ARID4B: variants seen among roughly 807,000 people sequenced by gnomAD.
ARID4B encodes AT-rich interactive domain-containing protein 4B.
Under a neutral mutation model 147.5 loss-of-function variants are expected in ARID4B, and 26 were observed. The ratio of observed to expected loss-of-function variants is 0.18; its 90% CI spans 0.13 to 0.24. The LOEUF is 0.24. Ranked by LOEUF, ARID4B falls within the 10% of genes least tolerant of loss-of-function variation. ARID4B has a pLI of 1.00. For synonymous variants in ARID4B, 512 were observed against 507.9 expected, an observed-to-expected ratio of 1.01 and a Z score of -0.11; for missense variants, 1,179 against 1,511.5, an observed-to-expected ratio of 0.78 and a Z score of 3.65.
At chr1:235,327,597 G>C (rs1210847370) in intron 1 of ARID4B, 172 bp downstream of exon 1, 1 of 152,274 alleles carries the variant, frequency 6.6e-6, no homozygotes, top group Non-Finnish European at 1.5e-5. Flanking sequence ...CCAGCCAGGG[G>C]GCGGCTCGGA....
chr1:235,200,775 A>C (rs1665859743), intron 17 of ARID4B, among the ~76,000 whole-genome samples: 1 of 152,226 alleles, frequency 6.6e-6, no homozygotes, highest in Non-Finnish European at 1.5e-5. Context: ...CTTAGACATA[A>C]TAGATAAGAA....
intron 11 of ARID4B, among the ~76,000 whole-genome samples, chr1:235,226,318 T>C (rs1667825092): frequency 6.6e-6 from 1 of 152,134 alleles, no homozygotes; most frequent in Admixed American, 6.5e-5. Flanking sequence ...ACAATAAATA[T>C]AAATGACAAA....
At chr1:235,293,212 AAAGTT>A (rs1459202105) in intron 2 of ARID4B, among the ~76,000 whole-genome samples, 5 of 152,234 alleles carry the variant, frequency 3.3e-5, no homozygotes, top group African/African-American at 9.6e-5. Flanking sequence ...CACAAACGTC[AAAGTT>A]AAGGCCAAAA....
At chr1:235,238,387 G>A (rs1346360266) in intron 8 of ARID4B, among the ~76,000 whole-genome samples, 1 of 152,102 alleles carries the variant, frequency 6.6e-6, no homozygotes, top group Non-Finnish European at 1.5e-5. Flanking sequence ...TTTTAGTAAG[G>A]GAGTGAGAAC....
intron 2 of ARID4B, among the ~76,000 whole-genome samples, chr1:235,284,202 A>G (rs768197236): frequency 2.6e-5 from 4 of 152,130 alleles, no homozygotes; most frequent in Non-Finnish European, 4.4e-5. Context: ...TCTACTAAAC[A>G]TACAAAAATT....
At chr1:235,325,821 T>C (rs1675191953) in intron 2 of ARID4B, among the ~76,000 whole-genome samples, 1 of 152,226 alleles carries the variant, frequency 6.6e-6, no homozygotes, top group African/African-American at 2.4e-5. Flanking sequence ...TTAATTACTC[T>C]GTATAGTAGA....
chr1:235,216,684 T>C (rs1038158073), intron 16 of ARID4B, among the ~76,000 whole-genome samples: 6 of 152,132 alleles, frequency 3.9e-5, no homozygotes, highest in African/African-American at 1.4e-4. Flanking sequence ...ATAATATTTC[T>C]ATTATAAAAA....
At chr1:235,222,606 C>CA (rs1291977646) in intron 13 of ARID4B, among the ~76,000 whole-genome samples, 4 of 148,510 alleles carry the variant, frequency 2.7e-5, no homozygotes, top group Admixed American at 2.7e-4. Flanking sequence ...TGCTGTGACT[C>CA]AGATAAAAAA....
chr1:235,213,619 G>A (rs1666852057), intron 17 of ARID4B, 150 bp downstream of exon 17: 2 of 777,154 alleles, frequency 2.6e-6, no homozygotes, highest in South Asian at 2.2e-5. Context: ...CACTAAGTGA[G>A]GTATTTACAT....
intron 19 of ARID4B, 104 bp downstream of exon 19, chr1:235,193,908 TG>T: frequency 1.3e-6 from 1 of 787,092 alleles, no homozygotes; most frequent in Non-Finnish European, 2.0e-6. Context: ...AACAAAACTC[TG>T]GTAGAAAAAA....
intron 5 of ARID4B, among the ~76,000 whole-genome samples, chr1:235,255,404 C>G (rs1669921699): frequency 6.6e-6 from 1 of 151,546 alleles, no homozygotes; most frequent in Non-Finnish European, 1.5e-5. Context: ...AAGAAATTTA[C>G]CTAAGATATA....
chr1:235,172,214 G>A (rs1205904250), intron 23 of ARID4B, among the ~76,000 whole-genome samples: 1 of 152,100 alleles, frequency 6.6e-6, no homozygotes, highest in East Asian at 1.9e-4. Context: ...TAAAGAATTT[G>A]CCTGAAAATA....
At chr1:235,279,639 G>A (rs1251449415) in intron 2 of ARID4B, among the ~76,000 whole-genome samples, 1 of 152,126 alleles carries the variant, frequency 6.6e-6, no homozygotes, top group Admixed American at 6.5e-5. Flanking sequence ...CCTTAGAAAG[G>A]GCTGCTTGCA....
intron 5 of ARID4B, 71 bp from the exon 6 acceptor site, chr1:235,252,880 A>G: frequency 7.7e-7 from 1 of 1,298,078 alleles, no homozygotes; most frequent in African/African-American, 1.5e-5. Context: ...CATGTATTAC[A>G]ATTTTCTGAG....
Position 235,326,930 on chromosome 1 carries a change from G to C in ARID4B, c.-11C>G. On this transcript the variant is annotated 5_prime_UTR_variant, in exon 2 of 24. Transcript: ENST00000264183. ...CAATCTTACCTTCATGATGACTCTGGGACCAAGGTATCCTCTAAAACACCA... is the reference window on the plus strand; with the variant it reads ...CAATCTTACCTTCATGATGACTCTGCGACCAAGGTATCCTCTAAAACACCA... 6.2e-7 allele frequency: 1 copy of C among 1,613,902 alleles called. No individual in the cohort carries two copies. Among genetic ancestry groups the C allele is most frequent in the Admixed American group, 1.7e-5 (1 of 60,014 alleles).
intron 18 of ARID4B, among the ~76,000 whole-genome samples, chr1:235,194,492 G>A (rs942708701): frequency 4.6e-5 from 7 of 152,048 alleles, no homozygotes; most frequent in Non-Finnish European, 1.0e-4. Flanking sequence ...TTGCTCTTCA[G>A]AATTAAAATC....
intron 2 of ARID4B, among the ~76,000 whole-genome samples, chr1:235,318,612 T>G (rs1674606320): frequency 6.6e-6 from 1 of 152,130 alleles, no homozygotes; most frequent in East Asian, 1.9e-4. Context: ...CTAAGCTCAG[T>G]GTCTGAATCT....
Position 235,181,762 on chromosome 1 carries a change from G to C in ARID4B, c.3157C>G (p.Pro1053Ala). 1 of 1,614,100 alleles carries C rather than the reference G, an allele frequency of 6.2e-7. No individual in the cohort carries two copies. Among genetic ancestry groups the C allele is most frequent in the Non-Finnish European group, 8.5e-7 (1 of 1,180,020 alleles). Reference sequence around the variant, plus strand: ...ATACTTCGAACCTCTTCTTGGTTTGGAGCCAGTGGTTCTGATACTGTTACA... The same window carrying C: ...ATACTTCGAACCTCTTCTTGGTTTGCAGCCAGTGGTTCTGATACTGTTACA... ...SSVTVSEPLA[P>A]NQEEVRSIKS... Residue 1053 changes from proline to alanine, a missense_variant, in exon 20 of 24, where the codon CCA becomes GCA. Coordinates refer to ENST00000264183, the MANE Select transcript of ARID4B (RefSeq NM_016374.6).
intron 2 of ARID4B, among the ~76,000 whole-genome samples, chr1:235,324,679 G>A (rs1272592225): frequency 3.9e-5 from 6 of 152,226 alleles, no homozygotes; most frequent in African/African-American, 1.4e-4. Context: ...ACTCTCGCCT[G>A]TAATCCCAGC....
Sources: gnomAD v4.1 joint callset for allele counts (sites outside exome capture counted in the v4.1 genomes callset) on GRCh38, gnomAD v4.1.1 for gene constraint, MANE v1.5 for transcripts, NCBI Gene and HGNC (gene_info 2026-07-23, HGNC 2026-07-21) for gene names.